Variants in TNKS observed in about 807,000 individuals in gnomAD.
The protein encoded by TNKS is tankyrase.
In TNKS, 72 loss-of-function variants were observed where a neutral mutation model predicts 135.8. The observed-to-expected ratio is 0.53, with a 90% CI of 0.44 to 0.64. The LOEUF (loss-of-function observed/expected upper bound fraction) is 0.64, where lower values mean the gene tolerates loss of function less well. Among genes scored for constraint, TNKS ranks in the 30% least tolerant of loss-of-function variants. TNKS has a pLI of 0.00. For synonymous variants in TNKS, 849 were observed against 649.3 expected, an observed-to-expected ratio of 1.31 and a Z score of -4.68; for missense variants, 1,769 against 1,674.0, an observed-to-expected ratio of 1.06 and a Z score of -0.99.
intron 5 of TNKS, chr8:9,681,063 G>C (rs1189740149): frequency 6.6e-6 from 2 of 304,356 alleles, no homozygotes; most frequent in East Asian, 1.1e-4. Context: ...TTTTGTCGGT[G>C]ATTAAAATTA....
chr8:9,609,138 T>C (rs1194223519), intron 2 of TNKS, among the ~76,000 whole-genome samples: 1 of 152,202 alleles, frequency 6.6e-6, no homozygotes, highest in Non-Finnish European at 1.5e-5. Context: ...ACAATAAGCA[T>C]GGTTCTTTTT....
At chr8:9,632,112 C>T (rs1800314575) in intron 3 of TNKS, among the ~76,000 whole-genome samples, 1 of 152,080 alleles carries the variant, frequency 6.6e-6, no homozygotes, top group African/African-American at 2.4e-5. Context: ...TAGAAAGATG[C>T]CAGACTTCAT....
intron 3 of TNKS, among the ~76,000 whole-genome samples, chr8:9,665,148 T>C (rs1163848548): frequency 2.0e-5 from 3 of 152,234 alleles, no homozygotes; most frequent in African/African-American, 7.2e-5. Context: ...TTTAAAATTC[T>C]GTTGACGTAA....
intron 2 of TNKS, among the ~76,000 whole-genome samples, chr8:9,604,269 C>T (rs868070588): frequency 2.0e-4 from 31 of 152,134 alleles, no homozygotes; most frequent in African/African-American, 7.0e-4. Context: ...TGTACATATA[C>T]TACTGTATGT....
At chr8:9,689,526 C>G (rs1452360197) in intron 5 of TNKS, among the ~76,000 whole-genome samples, 1 of 151,966 alleles carries the variant, frequency 6.6e-6, no homozygotes, top group Non-Finnish European at 1.5e-5. Flanking sequence ...TTAATAGTAA[C>G]ATAATACCCT....
chr8:9,754,329 T>C (rs1279281777), intron 20 of TNKS, among the ~76,000 whole-genome samples: 1 of 152,186 alleles, frequency 6.6e-6, no homozygotes, highest in Non-Finnish European at 1.5e-5. Context: ...CTTCCCCTAT[T>C]TTAGAATAAA....
intron 1 of TNKS, among the ~76,000 whole-genome samples, chr8:9,563,242 A>G (rs948460267): frequency 5.3e-5 from 8 of 152,072 alleles, no homozygotes; most frequent in Non-Finnish European, 1.2e-4. Flanking sequence ...TCTGCCCCCA[A>G]ACCCCTGATA....
At chr8:9,699,808 T>G (rs1179966676) in intron 5 of TNKS, among the ~76,000 whole-genome samples, 1 of 152,232 alleles carries the variant, frequency 6.6e-6, no homozygotes, top group Non-Finnish European at 1.5e-5. Context: ...ACTTAGTAAC[T>G]AAAGTGATCT....
chr8:9,728,722 G>A (rs969655610), intron 13 of TNKS, among the ~76,000 whole-genome samples: 4 of 151,992 alleles, frequency 2.6e-5, no homozygotes, highest in Non-Finnish European at 4.4e-5. Context: ...TATAGCCACA[G>A]ACTCATTTGT....
intron 5 of TNKS, among the ~76,000 whole-genome samples, chr8:9,689,259 A>G (rs1803151619): frequency 6.6e-6 from 1 of 152,208 alleles, no homozygotes; most frequent in Non-Finnish European, 1.5e-5. Context: ...GTGTTATGAA[A>G]ACAAATTTCT....
intron 9 of TNKS, among the ~76,000 whole-genome samples, chr8:9,708,993 T>C (rs1156938810): frequency 4.6e-5 from 7 of 152,160 alleles, no homozygotes; most frequent in African/African-American, 1.7e-4. Flanking sequence ...TATCCACGTT[T>C]TTTTCTTCAA....
At chr8:9,676,381 A>G (rs1802535275) in intron 3 of TNKS, among the ~76,000 whole-genome samples, 1 of 152,096 alleles carries the variant, frequency 6.6e-6, no homozygotes, top group Non-Finnish European at 1.5e-5. Flanking sequence ...TTTCCATGCT[A>G]TTCCATCTCA....
intron 2 of TNKS, among the ~76,000 whole-genome samples, chr8:9,595,275 T>C (rs75875246): frequency 6.6e-6 from 1 of 151,948 alleles, no homozygotes; most frequent in African/African-American, 2.4e-5. Flanking sequence ...CACCCTTGAA[T>C]TGGGATCTTT....
At chr8:9,672,711 CAAAAAA>C (rs6150458) in intron 3 of TNKS, among the ~76,000 whole-genome samples, 3 of 85,212 alleles carry the variant, frequency 3.5e-5, no homozygotes, top group East Asian at 3.2e-4. Context: ...CACACACACA[CAAAAAA>C]AAAAAAACAA....
intron 5 of TNKS, among the ~76,000 whole-genome samples, chr8:9,703,383 G>C (rs1399973914): frequency 6.6e-6 from 1 of 152,188 alleles, no homozygotes; most frequent in Non-Finnish European, 1.5e-5. Context: ...AAATTGTACT[G>C]TATTTTCACA....
At chr8:9,634,319 T>C (rs557690687) in intron 3 of TNKS, among the ~76,000 whole-genome samples, 4 of 152,208 alleles carry the variant, frequency 2.6e-5, no homozygotes, top group South Asian at 2.1e-4. Context: ...AAAATTTGAA[T>C]GTAAGCAGAA....
At chr8:9,603,646 C>G (rs1048796596) in intron 2 of TNKS, among the ~76,000 whole-genome samples, 12 of 152,250 alleles carry the variant, frequency 7.9e-5, no homozygotes, top group South Asian at 4.1e-4. Context: ...GCACAATAGG[C>G]TGTACATGAT....
At chr8:9,759,086 A>C (rs182972885) in intron 20 of TNKS, among the ~76,000 whole-genome samples, 17 of 152,322 alleles carry the variant, frequency 1.1e-4, no homozygotes, top group Non-Finnish European at 2.2e-4. Context: ...CAGCAAGAGA[A>C]AGATGATCTG....
intron 1 of TNKS, among the ~76,000 whole-genome samples, chr8:9,564,352 C>T (rs376407908): frequency 6.6e-6 from 1 of 151,278 alleles, no homozygotes; most frequent in Non-Finnish European, 1.5e-5. Context: ...CATCAAAGGT[C>T]GAGTTGTGAG....
Sources: allele counts gnomAD v4.1 joint callset (sites outside exome capture counted in the v4.1 genomes callset), GRCh38; gene constraint gnomAD v4.1.1; transcripts MANE v1.5; gene names NCBI Gene and HGNC (gene_info 2026-07-23, HGNC 2026-07-21).